FBRSL1: variants seen among roughly 807,000 people sequenced by gnomAD.
FBRSL1 encodes the protein fibrosin like 1.
In FBRSL1, 51 loss-of-function variants were observed where a neutral mutation model predicts 89.6. The observed-to-expected ratio is 0.57, with a 90% CI of 0.45 to 0.72. FBRSL1 has a LOEUF of 0.72. Among genes scored for constraint, FBRSL1 ranks in the 30% least tolerant of loss-of-function variants. The pLI is 0.00. For missense variants in FBRSL1, 1,618 were observed against 1,451.8 expected, an observed-to-expected ratio of 1.11 and a Z score of -1.86; for synonymous variants, 779 against 681.1, an observed-to-expected ratio of 1.14 and a Z score of -2.24.
intron 1 of FBRSL1, among the ~76,000 whole-genome samples, chr12:132,501,406 C>T (rs2032937021): frequency 1.3e-5 from 2 of 152,198 alleles, no homozygotes; most frequent in African/African-American, 2.4e-5. Flanking sequence ...CTGTGTGTCC[C>T]AGGCTGCTGC....
chr12:132,547,941 G>A (rs1016600424), intron 4 of FBRSL1, 62 bp from the exon 5 acceptor site: 1 of 1,540,278 alleles, frequency 6.5e-7, no homozygotes. Flanking sequence ...CTGCTGCCGT[G>A]CCCCGGGGGG....
chr12:132,571,168 A>C lies in FBRSL1; in HGVS notation c.1314A>C (p.Ala438=), dbSNP rs2137894696. The change falls in exon 9 of 19, where the codon GCA becomes GCC. Residue 438 remains alanine, a synonymous_variant. Transcript: ENST00000680143. ...GGTCACAGGCTCCTCTCTTACCTGC[A>C]CCCCTGGGCCCGCACGTGGCGAGCG... ...GTWSQAPLLP[A]PLGPHVASGH... 2 of 1,418,016 alleles carry C rather than the reference A, an allele frequency of 1.4e-6. No homozygotes were observed. The highest frequency in any genetic ancestry group is 1.8e-6 in the Non-Finnish European group (2 of 1,086,156). 87.8% of individuals were successfully genotyped at this position (1,418,016 alleles called of 1,614,324 possible).
chr12:132,581,898 C>A (rs1337239037), intron 17 of FBRSL1, 74 bp downstream of exon 17: 25 of 1,399,170 alleles, frequency 1.8e-5, no homozygotes, highest in Non-Finnish European at 2.4e-5. Context: ...TCTGCAGGAA[C>A]CCCGATGCCT....
intron 2 of FBRSL1, among the ~76,000 whole-genome samples, chr12:132,512,889 G>A (rs915203208): frequency 1.3e-5 from 2 of 152,194 alleles, no homozygotes; most frequent in Non-Finnish European, 2.9e-5. Context: ...AGGGGCTCTC[G>A]AGGCCTGGCC....
chr12:132,551,028 G>T (rs147107834), intron 5 of FBRSL1: 2 of 242,914 alleles, frequency 8.2e-6, no homozygotes, highest in Non-Finnish European at 1.7e-5. Flanking sequence ...CTCCCTACCC[G>T]CTGGGAGCAG....
chr12:132,566,784 G>A (rs772914956), intron 5 of FBRSL1, among the ~76,000 whole-genome samples: 3 of 151,702 alleles, frequency 2.0e-5, no homozygotes, highest in Non-Finnish European at 4.4e-5. Flanking sequence ...ATAGCGCGGT[G>A]TCCTGTGGGC....
chr12:132,502,539 G>C (rs567082369), intron 1 of FBRSL1, among the ~76,000 whole-genome samples: 522 of 152,222 alleles, frequency 3.4e-3, no homozygotes, highest in Non-Finnish European at 5.3e-3. Context: ...CCTCCCAGTC[G>C]GGCTGGTCAG....
intron 2 of FBRSL1, among the ~76,000 whole-genome samples, chr12:132,508,977 C>T (rs1291280812): frequency 1.3e-5 from 2 of 152,196 alleles, no homozygotes; most frequent in South Asian, 4.1e-4. Context: ...GCTGCTTCCT[C>T]CGCGGGGGTC....
intron 12 of FBRSL1, 26 bp from the exon 13 acceptor site, chr12:132,574,293 C>G (rs1243342474): frequency 1.3e-6 from 2 of 1,518,148 alleles, no homozygotes; most frequent in Non-Finnish European, 1.8e-6. Flanking sequence ...GGGCCCGGAC[C>G]TCACACTCCT....
At chr12:132,517,939 A>G (rs1566130190) in intron 2 of FBRSL1, among the ~76,000 whole-genome samples, 1 of 152,090 alleles carries the variant, frequency 6.6e-6, no homozygotes, top group Non-Finnish European at 1.5e-5. Flanking sequence ...CCAACTGAGC[A>G]AGACCAAGTG....
intron 9 of FBRSL1, chr12:132,571,548 G>C: frequency 7.4e-7 from 1 of 1,350,010 alleles, no homozygotes; most frequent in African/African-American, 1.6e-5. Context: ...CGTGCTGGCA[G>C]GGGGCGGGGG....
chr12:132,578,456 G>A (rs767459677), intron 15 of FBRSL1, among the ~76,000 whole-genome samples: 1 of 152,232 alleles, frequency 6.6e-6, no homozygotes, highest in Middle Eastern at 3.4e-3. Flanking sequence ...GGAGTGGGCT[G>A]AGGAGGAGGA....
chr12:132,580,876 C>CG, intron 15 of FBRSL1: 9 of 985,416 alleles, frequency 9.1e-6, no homozygotes, highest in Non-Finnish European at 8.4e-6. Flanking sequence ...TCCCAGGGCC[C>CG]GGGCCCAGGC....
chr12:132,527,636 AGGGCTGCG>A (rs1163129460), intron 3 of FBRSL1, among the ~76,000 whole-genome samples: 6 of 83,900 alleles, frequency 7.2e-5, no homozygotes, highest in African/African-American at 1.4e-4. Flanking sequence ...GGCAGGGTTG[AGGGCTGCG>A]GGGCTGCGGG....
intron 2 of FBRSL1, chr12:132,510,373 T>G: frequency 1.6e-6 from 2 of 1,231,616 alleles, no homozygotes; most frequent in African/African-American, 3.1e-5. Context: ...TGCCGGCCCC[T>G]GCGGTCCCGG....
chr12:132,567,611 A>C, intron 6 of FBRSL1, 85 bp downstream of exon 6: 2 of 1,372,102 alleles, frequency 1.5e-6, no homozygotes, highest in Non-Finnish European at 2.0e-6. Context: ...ATCCCCCTGA[A>C]GTCAGGGGAG....
At position 132,571,055 on chromosome 12, in the gene FBRSL1, C is replaced by T; in HGVS notation, c.1214-13C>T. 2 of 1,335,948 alleles carry T rather than the reference C, an allele frequency of 1.5e-6. No individual in the cohort carries two copies. Among genetic ancestry groups the T allele is most frequent in the Non-Finnish European group, 1.9e-6 (2 of 1,046,284 alleles). The allele number at this position is 1,335,948 out of a possible 1,614,324, so 82.8% of individuals were successfully genotyped here. A position where few individuals can be genotyped will look rare whatever the true frequency, so the allele number is the denominator to read the frequency against. On this transcript the variant is annotated splice_polypyrimidine_tract_variant and intron_variant, in intron 8 of 18. Transcript: ENST00000680143. ...CCCGGGGAGGGGCTCACCGTGTTCT[C>T]TCTTGCCTCTAGATGCCAGCCTGGC...
At chr12:132,492,961 G>A (rs1487026724) in intron 1 of FBRSL1, among the ~76,000 whole-genome samples, 1 of 152,194 alleles carries the variant, frequency 6.6e-6, no homozygotes, top group African/African-American at 2.4e-5. Flanking sequence ...AGTAGTGACT[G>A]GTTCAGTAAG....
At chr12:132,506,493 A>C (rs1363839408) in intron 1 of FBRSL1, among the ~76,000 whole-genome samples, 1 of 152,160 alleles carries the variant, frequency 6.6e-6, no homozygotes, top group African/African-American at 2.4e-5. Flanking sequence ...TAGAAAGACA[A>C]ATCCCAGCAC....
Sources: gnomAD v4.1 joint callset for allele counts (sites outside exome capture counted in the v4.1 genomes callset) on GRCh38, gnomAD v4.1.1 for gene constraint, MANE v1.5 for transcripts, NCBI Gene and HGNC (gene_info 2026-07-23, HGNC 2026-07-21) for gene names.